The following RP1L1 variants were observed in gnomAD, a reference collection of about 807,000 sequenced individuals.
RP1L1 encodes RP1 like 1.
RP1L1 carries 27 observed loss-of-function variants against 15.7 expected under a neutral mutation model. The observed-to-expected ratio is 1.72, with a 90% CI of 1.27 to 2.38. The LOEUF is 2.38. Among genes scored for constraint, RP1L1 ranks in the 30% most tolerant of loss-of-function variants. RP1L1 has a pLI of 0.00. For synonymous variants in RP1L1, 1,813 were observed against 1,276.7 expected, an observed-to-expected ratio of 1.42 and a Z score of -8.96; for missense variants, 4,798 against 3,075.9, an observed-to-expected ratio of 1.56 and a Z score of -13.24.
chr8:10,610,896 A>G lies in RP1L1; in HGVS notation c.3202T>C (p.Cys1068Arg), dbSNP rs1279577432. Residue 1068 changes from cysteine (C) to arginine (R), a missense_variant, in exon 4 of 4, where the codon TGC becomes CGC. Transcript: ENST00000382483. ...AGADREAPAG[C>R]RVSLRALPGR... ...GGAAGTGCCCGCAGGCTCACCCTGC[A>G]GCCTGCTGGGGCCTCTCTGTCTGCT... 5.0e-6 allele frequency: 8 copies of G among 1,610,632 alleles called. No individual in the cohort carries two copies. The highest frequency in any genetic ancestry group is 6.8e-6 in the Non-Finnish European group (8 of 1,178,902).
In RP1L1 at chr8:10,611,337, C is replaced by T. The variant is rs781100223; in HGVS notation, c.2761G>A (p.Gly921Arg). 1 of 1,612,312 alleles carries T rather than the reference C, an allele frequency of 6.2e-7. No individual in the cohort carries two copies. Among genetic ancestry groups the T allele is most frequent in the South Asian group, 1.1e-5 (1 of 91,068 alleles). ...SSASQGAGSRGLSEEKTLRSG... is the reference protein window; with the variant it reads ...SSASQGAGSRRLSEEKTLRSG... ...CTCAAGGTCTTCTCCTCGGACAGCC[C>T]CCGAGACCCCGCACCCTGGCTGGCA... The change falls in exon 4 of 4, where the codon GGG (glycine) becomes AGG (arginine). Residue 921 changes from glycine to arginine, a missense_variant. Physicochemically the swap from Gly to Arg is moderately radical, Grantham distance 125 (BLOSUM62 -2). Transcript: ENST00000382483.
At position 10,608,409 on chromosome 8, in the gene RP1L1, A is replaced by G; in HGVS notation, c.5689T>C (p.Trp1897Arg). 2 of 1,562,436 alleles carry G rather than the reference A, an allele frequency of 1.3e-6. No homozygotes were observed. The highest frequency in any genetic ancestry group is 1.8e-5 in the Admixed American group (1 of 54,642). The change falls in exon 4 of 4, where the codon TGG becomes CGG. Residue 1897 changes from tryptophan (W) to arginine (R), a missense_variant. Coordinates refer to ENST00000382483, the MANE Select transcript of RP1L1 (RefSeq NM_178857.6). ...CCTTCTGACTCTGGCTGGACCTCCC[A>G]TTCTGCCTCTGGGGTCTCTACATCT... ...SEDVETPEAE[W>R]EVQPESEGAE...
At chr8:10,626,401 A>G (rs1459701083) in intron 1 of RP1L1, among the ~76,000 whole-genome samples, 1 of 152,194 alleles carries the variant, frequency 6.6e-6, no homozygotes, top group Admixed American at 6.5e-5. Context: ...GCATGATGGG[A>G]AGCTCACATG....
At chr8:10,652,458 A>T (rs1003789437) in intron 1 of RP1L1, among the ~76,000 whole-genome samples, 1 of 152,182 alleles carries the variant, frequency 6.6e-6, no homozygotes, top group African/African-American at 2.4e-5. Flanking sequence ...CACTTGACGA[A>T]TGCGATGTCA....
intron 1 of RP1L1, among the ~76,000 whole-genome samples, chr8:10,651,505 G>A (rs1798560767): frequency 6.6e-6 from 1 of 152,156 alleles, no homozygotes; most frequent in Non-Finnish European, 1.5e-5. Flanking sequence ...GAGGTGGGCA[G>A]ATCACGGGTT....
Position 10,606,817 on chromosome 8 carries a change from C to T in RP1L1, c.*78G>A, listed in dbSNP as rs550736333. 2.7e-5 allele frequency: 43 copies of T among 1,602,682 alleles called. No homozygotes were observed. In the Admixed American group the frequency reaches 4.2e-4, roughly 16 times the overall value. On this transcript the variant is annotated 3_prime_UTR_variant, in exon 4 of 4. Coordinates refer to ENST00000382483, the MANE Select transcript of RP1L1 (RefSeq NM_178857.6). ...CTATGGACATCTCCAGTGGACTGAA[C>T]GTTGCTCAGTTTTGTAGAAAAAATA...
At chr8:10,616,405 G>C (rs1797965583) in intron 3 of RP1L1, 41 bp downstream of exon 3, 2 of 1,613,510 alleles carry the variant, frequency 1.2e-6, no homozygotes, top group Non-Finnish European at 1.7e-6. Flanking sequence ...GAACCACCAT[G>C]CAGTGCAAAT....
intron 1 of RP1L1, among the ~76,000 whole-genome samples, chr8:10,630,697 T>A (rs1173627645): frequency 6.6e-6 from 1 of 152,142 alleles, no homozygotes; most frequent in African/African-American, 2.4e-5. Context: ...CAGGTTCCCA[T>A]CAGTAAAGTG....
In RP1L1 at chr8:10,612,452, C is replaced by T. The variant is rs1797881617; in HGVS notation, c.1646G>A (p.Gly549Asp). The change falls in exon 4 of 4, where the codon GGT becomes GAT. Residue 549 changes from glycine (G) to aspartate (D), a missense_variant. Transcript: ENST00000382483. The part of the protein sequence containing the change: ...TGSHEGSSEW[G>D]GRPQGCPGKA... ...GCCTGGACAGCCCTGGGGCCGCCCA[C>T]CCCATTCGCTGGATCCCTCATGAGA... 6.2e-7 allele frequency: 1 copy of T among 1,612,716 alleles called. No homozygotes were observed. The highest frequency in any genetic ancestry group is 8.5e-7 in the Non-Finnish European group (1 of 1,180,018).
At chr8:10,626,470 T>C (rs1585984790) in intron 1 of RP1L1, among the ~76,000 whole-genome samples, 1 of 152,192 alleles carries the variant, frequency 6.6e-6, no homozygotes. Context: ...GCTGCAGGCA[T>C]GCAGCAGGGA....
At chr8:10,618,854 GTTTT>G (rs1165901338) in intron 2 of RP1L1, among the ~76,000 whole-genome samples, 2 of 151,842 alleles carry the variant, frequency 1.3e-5, no homozygotes, top group Admixed American at 6.6e-5. Flanking sequence ...TGGTTTTCGT[GTTTT>G]TTTGTTTGTT....
At chr8:10,631,485 T>C (rs925762285) in intron 1 of RP1L1, among the ~76,000 whole-genome samples, 1 of 152,110 alleles carries the variant, frequency 6.6e-6, no homozygotes, top group Non-Finnish European at 1.5e-5. Flanking sequence ...AAATACATAA[T>C]GACATGTGTG....
rs767740088 is a variant in RP1L1, at chr8:10,609,510, A to G, written c.4588T>C (p.Phe1530Leu). The change falls in exon 4 of 4, where the codon TTC becomes CTC. Residue 1530 changes from phenylalanine to leucine, a missense_variant. By Grantham distance (22) the Phe-to-Leu change is conservative. Transcript: ENST00000382483. ...SVLLKKTEKA[F>L]LAHLASAVAE... ...ACCGCACTGGCAAGGTGGGCCAGGA[A>G]GGCCTTCTCCGTCTTCTTCAGTAAC... 15 of 1,609,750 alleles carry G rather than the reference A, an allele frequency of 9.3e-6. No individual in the cohort carries two copies. The highest frequency in any genetic ancestry group is 2.2e-5 in the East Asian group (1 of 44,826).
chr8:10,653,053 T>G (rs1798585868), intron 1 of RP1L1, among the ~76,000 whole-genome samples: 1 of 152,162 alleles, frequency 6.6e-6, no homozygotes. Flanking sequence ...CTGGGTTGTA[T>G]CAGCCCAGCA....
rs1276688327 is a variant in RP1L1 at position 10,609,878 on chromosome 8, C to T, written c.4220G>A (p.Gly1407Glu). Residue 1407 changes from glycine to glutamate, a missense_variant, in exon 4 of 4, where the codon GGG (glycine) becomes GAG (glutamate). Physicochemically the swap from Gly to Glu is moderately conservative, Grantham distance 98 (BLOSUM62 -2). Coordinates refer to ENST00000382483, the MANE Select transcript of RP1L1 (RefSeq NM_178857.6). ...AGAGCTGGCCTCTGACAATTCCTGC[C>T]CGTGGACGCTTCCTTCTTCTGGAAG... The part of the protein sequence containing the change: ...EGLPEEGSVH[G>E]QELSEASSPD... The T allele has an allele frequency of 1.3e-6, 2 of 1,596,238 alleles. No individual in the cohort carries two copies. Among genetic ancestry groups the T allele is most frequent in the Admixed American group, 3.4e-5 (2 of 59,044 alleles).
chr8:10,607,231 G>A lies in RP1L1; in HGVS notation c.6867C>T (p.His2289=), dbSNP rs1436934167. The stretch of plus-strand genomic sequence containing the variant: ...GGCCTGTTTGGGAGCCTGGCCTTTG[G>A]TGGGGAGTGTCTCCACCTGGGGAAG... The part of the protein sequence containing the change: ...PPPSPGGDTP[H]QRPGSQTGPS... The change falls in exon 4 of 4, where the codon CAC becomes CAT. Residue 2289 remains histidine (H), a synonymous_variant. Transcript: ENST00000382483. 5 of 1,614,046 alleles carry A rather than the reference G, an allele frequency of 3.1e-6. No homozygotes were observed. The highest frequency in any genetic ancestry group is 1.3e-5 in the African/African-American group (1 of 74,942).
At chr8:10,634,924 G>A (rs2117247760) in intron 1 of RP1L1, among the ~76,000 whole-genome samples, 1 of 152,304 alleles carries the variant, frequency 6.6e-6, no homozygotes, top group African/African-American at 2.4e-5. Flanking sequence ...CTCTTCACCA[G>A]GAATAAGAGG....
rs1410818150 is a variant in RP1L1 at position 10,612,275 on chromosome 8, C to T, written c.1823G>A (p.Arg608Lys). ...GGAAAGGCCCAGAACCAGAGGCTCC[C>T]TTGTCACAGCCGCTCCCGTGGCCTG... ...TEQATGAAVT[R>K]EPLVLGLSCS... Residue 608 changes from arginine (R) to lysine (K), a missense_variant, in exon 4 of 4, where the codon AGG (arginine) becomes AAG (lysine). Transcript: ENST00000382483. 13 of 1,613,260 alleles carry T rather than the reference C, an allele frequency of 8.1e-6. No individual in the cohort carries two copies. Among genetic ancestry groups the T allele is most frequent in the Non-Finnish European group, 1.1e-5 (13 of 1,180,038 alleles).
In RP1L1 at chr8:10,623,215, T is replaced by C. The variant is rs904263997; in HGVS notation, c.-14A>G. 6.5e-7 allele frequency: 1 copy of C among 1,535,468 alleles called. No homozygotes were observed. The highest frequency in any genetic ancestry group is 8.7e-7 in the Non-Finnish European group (1 of 1,143,386). ...GGTGCTGTTCATGGTGTGGGGGCTCTGGCCGCTGTAACAGGGCAGAGGAAG... is the reference window on the plus strand; with the variant it reads ...GGTGCTGTTCATGGTGTGGGGGCTCCGGCCGCTGTAACAGGGCAGAGGAAG... On this transcript the variant is annotated 5_prime_UTR_variant, in exon 2 of 4. Coordinates refer to ENST00000382483, the MANE Select transcript of RP1L1 (RefSeq NM_178857.6).
Sources: gnomAD v4.1 joint callset for allele counts (sites outside exome capture counted in the v4.1 genomes callset) on GRCh38, gnomAD v4.1.1 for gene constraint, MANE v1.5 for transcripts, NCBI Gene and HGNC (gene_info 2026-07-23, HGNC 2026-07-21) for gene names.